DHCR7: variants seen among roughly 807,000 people sequenced by gnomAD.
The protein encoded by DHCR7 is 7-dehydrocholesterol reductase, also known as 7-DHC reductase.
DHCR7 carries 40 observed loss-of-function variants against 43.3 expected under a neutral mutation model. That is an observed-to-expected ratio of 0.92 (90% CI 0.72 to 1.20). The LOEUF (loss-of-function observed/expected upper bound fraction) is 1.20. Ranked by LOEUF, DHCR7 falls within the 50% of genes most tolerant of loss-of-function variation. DHCR7 has a pLI of 0.00. For synonymous variants in DHCR7, 298 were observed against 271.4 expected, an observed-to-expected ratio of 1.10 and a Z score of -0.96; for missense variants, 608 against 644.6, an observed-to-expected ratio of 0.94 and a Z score of 0.62.
At chr11:71,442,829 A>T (rs576893086) in intron 4 of DHCR7, among the ~76,000 whole-genome samples, 32 of 151,956 alleles carry the variant, frequency 2.1e-4, no homozygotes, top group Non-Finnish European at 4.0e-4. Context: ...GCTAAAATTC[A>T]CCCTTTTAAA....
At chr11:71,435,897 G>A (rs1949275320) in intron 8 of DHCR7, 58 bp from the exon 9 acceptor site, 3 of 1,445,832 alleles carry the variant, frequency 2.1e-6, no homozygotes, top group African/African-American at 2.8e-5. Context: ...GGACAGGAGT[G>A]TGGGCTCGGG....
intron 3 of DHCR7, 171 bp from the exon 4 acceptor site, chr11:71,444,386 A>C: frequency 1.5e-6 from 1 of 645,528 alleles, no homozygotes; most frequent in Non-Finnish European, 2.8e-6. Context: ...GCCACTCAAC[A>C]TGCCTGCTCT....
intron 8 of DHCR7, among the ~76,000 whole-genome samples, chr11:71,436,452 C>G (rs1244108656): frequency 6.6e-6 from 1 of 152,234 alleles, no homozygotes; most frequent in Admixed American, 6.5e-5. Flanking sequence ...ATCACGAGAT[C>G]AGGAGTTTGA....
downstream of DHCR7, among the ~76,000 whole-genome samples, chr11:71,433,576 AC>A (rs976743343): frequency 2.6e-5 from 4 of 152,056 alleles, no homozygotes; most frequent in African/African-American, 9.7e-5. Flanking sequence ...GATAATAATG[AC>A]CCTCATCTTT....
At chr11:71,438,117 T>C (rs549890139) in intron 7 of DHCR7, among the ~76,000 whole-genome samples, 174 bp from the exon 8 acceptor site, 64 of 152,262 alleles carry the variant, frequency 4.2e-4, no homozygotes, top group African/African-American at 1.5e-3. Context: ...GCCTGGGTCA[T>C]GGGCAGGGCT....
chr11:71,428,656 T>G (rs1949212651), exon 3 of DHCR7: 1 of 345,096 alleles, frequency 2.9e-6, no homozygotes. Flanking sequence ...CCTGGAGATC[T>G]TAGTGTATTC....
intron 8 of DHCR7, among the ~76,000 whole-genome samples, chr11:71,437,448 T>C (rs1444122671): frequency 1.3e-5 from 2 of 152,112 alleles, no homozygotes; most frequent in Non-Finnish European, 2.9e-5. Flanking sequence ...ACAAGGCCAC[T>C]TGCTATCCCC....
At chr11:71,440,595 G>A (rs1949338567) in intron 6 of DHCR7, among the ~76,000 whole-genome samples, 1 of 151,556 alleles carries the variant, frequency 6.6e-6, no homozygotes, top group South Asian at 2.1e-4. Context: ...AGGGTAGATG[G>A]ATGGATGATG....
Position 71,435,438 on chromosome 11 carries a change from G to A in DHCR7, c.1365C>T (p.Tyr455=), listed in dbSNP as rs557097410. Residue 455 remains tyrosine (Y), a synonymous_variant, in exon 9 of 9, where the codon TAC becomes TAT. Coordinates refer to ENST00000355527, the MANE Select transcript of DHCR7 (RefSeq NM_001360.3). ...CGGTGTAGCGCTCCCAGTCCCGGCC[G>A]TACTTGCTGGCGCAGCGGTGCTCGT... ...LRDEHRCASK[Y]GRDWERYTAA... is the part of the protein sequence containing the mutation. The A allele has an allele frequency of 3.2e-5, 52 of 1,612,740 alleles. No individual in the cohort carries two copies. Among genetic ancestry groups the A allele is most frequent in the Middle Eastern group, 3.3e-4 (2 of 6,062 alleles).
chr11:71,436,360 A>G (rs1038550797), intron 8 of DHCR7, among the ~76,000 whole-genome samples: 2 of 152,182 alleles, frequency 1.3e-5, no homozygotes, highest in African/African-American at 2.4e-5. Context: ...AAGAAGAGGG[A>G]ATCTGCTAAA....
downstream of DHCR7, among the ~76,000 whole-genome samples, chr11:71,432,906 C>T (rs1949237689): frequency 6.6e-6 from 1 of 152,238 alleles, no homozygotes; most frequent in South Asian, 2.1e-4. Flanking sequence ...GAAAGCAGAT[C>T]TGCTGGAGCC....
Position 71,434,790 on chromosome 11 carries a change from C to T in DHCR7, c.*585G>A. On this transcript the variant is annotated 3_prime_UTR_variant, in exon 9 of 9. Transcript: ENST00000355527. ...AGGCAGAGCACTCCTGGCAGCTGTGCAGCAGGAGCAGGAAGGAAACGACAT... is the reference window on the plus strand; with the variant it reads ...AGGCAGAGCACTCCTGGCAGCTGTGTAGCAGGAGCAGGAAGGAAACGACAT... 3.3e-6 allele frequency: 1 copy of T among 305,512 alleles called. No individual in the cohort carries two copies. The highest frequency in any genetic ancestry group is 6.4e-6 in the Non-Finnish European group (1 of 156,210). The allele number at this position is 305,512 out of a possible 1,614,324, so 18.9% of individuals were successfully genotyped here.
chr11:71,445,672 C>CA lies in DHCR7; in HGVS notation c.-6-715dup, dbSNP rs1167885435. On this transcript the variant is annotated intron_variant, in intron 2 of 8. Transcript: ENST00000355527. ...TGTAGGACCATCAATAATCACCCTTCAAAAAAAAGGGGAAGAGAACACAGA... is the reference window on the plus strand; with the variant it reads ...TGTAGGACCATCAATAATCACCCTTCAAAAAAAAAGGGGAAGAGAACACAGA... Among the ~76,000 whole-genome samples the CA allele has an allele frequency of 6.0e-4, 91 of 151,684 alleles. 1 individual carries two copies. The East Asian group carries it at 0.018, about 29-fold the overall frequency.
At chr11:71,448,495 G>A (rs1156403220), upstream of DHCR7, 1 of 152,320 alleles carries the variant, frequency 6.6e-6, no homozygotes, top group Non-Finnish European at 1.5e-5. Flanking sequence ...TGGTCGAGGA[G>A]CCTGAGCTGA....
chr11:71,433,816 A>G (rs1949243147), downstream of DHCR7, among the ~76,000 whole-genome samples: 2 of 152,226 alleles, frequency 1.3e-5, no homozygotes, highest in African/African-American at 4.8e-5. Flanking sequence ...CGGCATTTGA[A>G]TCACTCTTGT....
intron 2 of DHCR7, among the ~76,000 whole-genome samples, chr11:71,447,368 T>C (rs896220625): frequency 1.3e-5 from 2 of 152,222 alleles, no homozygotes; most frequent in Non-Finnish European, 2.9e-5. Flanking sequence ...CAGAGTTCAT[T>C]CACCCAGGAG....
At chr11:71,445,038 T>C in intron 2 of DHCR7, 80 bp from the exon 3 acceptor site, 1 of 1,280,584 alleles carries the variant, frequency 7.8e-7, no homozygotes, top group African/African-American at 1.5e-5. Flanking sequence ...CCACTGCTCC[T>C]GGGCCTGGCA....
downstream of DHCR7, among the ~76,000 whole-genome samples, chr11:71,431,080 G>A (rs560355862): frequency 1.1e-3 from 172 of 152,298 alleles, no homozygotes; most frequent in African/African-American, 3.8e-3. Flanking sequence ...GCTTGAACCC[G>A]GGAGGCGGAG....
At chr11:71,441,495 T>C in intron 5 of DHCR7, 55 bp from the exon 6 acceptor site, 3 of 1,432,268 alleles carry the variant, frequency 2.1e-6, no homozygotes, top group Non-Finnish European at 2.9e-6. Context: ...AGTGAGGAGC[T>C]TGGCTGGGCT....
Sources: gnomAD v4.1 joint callset for allele counts (sites outside exome capture counted in the v4.1 genomes callset) on GRCh38, gnomAD v4.1.1 for gene constraint, MANE v1.5 for transcripts, NCBI Gene and HGNC (gene_info 2026-07-23, HGNC 2026-07-21) for gene names.